The following ZNF879 variants were observed in gnomAD, a reference collection of about 807,000 sequenced individuals.
ZNF879 encodes zinc finger protein 879.
In ZNF879, 32 loss-of-function variants were observed where a neutral mutation model predicts 44.3. The ratio of observed to expected loss-of-function variants is 0.72; its 90% CI spans 0.54 to 0.97. The LOEUF (loss-of-function observed/expected upper bound fraction) is 0.97. ZNF879 is among the 50% of genes least tolerant of loss of function. The probability of loss-of-function intolerance (pLI) is 0.00; values close to 1 mark genes in which losing one functional copy is unlikely to be tolerated. For missense variants in ZNF879, 621 were observed against 669.7 expected (o/e 0.93, Z 0.80); for synonymous variants, 234 against 233.2 (o/e 1.00, Z -0.03).
chr5:179,028,795 G>C (rs6601007), intron 4 of ZNF879, among the ~76,000 whole-genome samples: 44,833 of 151,946 alleles, frequency 0.3, 7,225 homozygotes, highest in African/African-American at 0.43. Context: ...ATCAGCTTCC[G>C]CATTCATTCT....
chr5:179,030,543 A>G (rs779541741), intron 4 of ZNF879, among the ~76,000 whole-genome samples: 1 of 152,200 alleles, frequency 6.6e-6, no homozygotes, highest in Non-Finnish European at 1.5e-5. Context: ...TTTTTAAGTG[A>G]AATGGAGGTA....
rs1477244745 is a variant in ZNF879 at position 179,034,705 on chromosome 5, A to G, written c.*1065A>G. The G allele has an allele frequency of 6.6e-6, 1 of 152,256 alleles. No individual in the cohort carries two copies. Among genetic ancestry groups the G allele is most frequent in the Non-Finnish European group, 1.5e-5 (1 of 68,056 alleles). 9.4% of individuals were successfully genotyped at this position (152,256 alleles called of 1,614,324 possible). On this transcript the variant is annotated 3_prime_UTR_variant, in exon 5 of 5. Transcript: ENST00000444149. ...CCAGCAAATGGACTTACACTCTTCA[A>G]CAAGTGATTTAGCTCATTTCAGCAT...
In ZNF879 at chr5:179,034,572, C is replaced by T. The variant is rs1761534045; in HGVS notation, c.*932C>T. The T allele has an allele frequency of 6.6e-6, 1 of 152,192 alleles. No homozygotes were observed. The highest frequency in any genetic ancestry group is 2.4e-5 in the African/African-American group (1 of 41,450). The allele number at this position is 152,192 out of a possible 1,614,324, so 9.4% of individuals were successfully genotyped here. On this transcript the variant is annotated 3_prime_UTR_variant, in exon 5 of 5. Coordinates refer to ENST00000444149, the MANE Select transcript of ZNF879 (RefSeq NM_001136116.3). ...GAGGTAAAATGAACCAGATGATTTTCACCCTTACTTCCACTTTTTCGCCTT... is the reference window on the plus strand; with the variant it reads ...GAGGTAAAATGAACCAGATGATTTTTACCCTTACTTCCACTTTTTCGCCTT...
At position 179,032,343 on chromosome 5, in the gene ZNF879, G is replaced by A. The variant is rs764389822; in HGVS notation, c.395G>A (p.Gly132Asp). 1.9e-6 allele frequency: 3 copies of A among 1,551,182 alleles called. No individual in the cohort carries two copies. The highest frequency in any genetic ancestry group is 1.2e-5 in the South Asian group (1 of 83,846). The change falls in exon 5 of 5, where the codon GGC becomes GAC. Residue 132 changes from glycine to aspartate, a missense_variant. Coordinates refer to ENST00000444149, the MANE Select transcript of ZNF879 (RefSeq NM_001136116.3). The part of the protein sequence containing the change: ...INEDKLEKQQ[G>D]KKNRLFSKVL... ...GAAGATAAGTTAGAGAAGCAACAAG[G>A]CAAAAAGAACAGACTTTTCAGTAAA...
chr5:179,033,706 TGTG>T lies in ZNF879; in HGVS notation c.*68_*70del, dbSNP rs1380908211. On this transcript the variant is annotated 3_prime_UTR_variant, in exon 5 of 5. Transcript: ENST00000444149. Reference sequence around the variant, plus strand: ...CCATACTGAGTATCAAAAAATTCATTGTGGGGAGAAAGTGATGAAGAGTAGTTA... The same window carrying T: ...CCATACTGAGTATCAAAAAATTCATTGGGAGAAAGTGATGAAGAGTAGTTA... 5.7e-6 allele frequency: 7 copies of T among 1,228,694 alleles called. No homozygotes were observed. The highest frequency in any genetic ancestry group is 7.8e-6 in the Non-Finnish European group (7 of 902,906). The allele number at this position is 1,228,694 out of a possible 1,614,324, so 76.1% of individuals were successfully genotyped here. A position where few individuals can be genotyped will look rare whatever the true frequency, so the allele number is the denominator to read the frequency against.
At chr5:179,027,996 G>C in intron 3 of ZNF879, 36 bp from the exon 4 acceptor site, 1 of 1,542,042 alleles carries the variant, frequency 6.5e-7, no homozygotes, top group Non-Finnish European at 8.8e-7. Flanking sequence ...CGCCTGCTAC[G>C]ATGGCCGCTC....
intron 2 of ZNF879, among the ~76,000 whole-genome samples, chr5:179,025,916 CAA>C (rs769270094): frequency 2.4e-5 from 3 of 125,612 alleles, no homozygotes; most frequent in Non-Finnish European, 1.7e-5. Context: ...GACTCCGTCT[CAA>C]AAAAAAAAAA....
rs1189749655 is a variant in ZNF879, at chr5:179,032,677, A to G, written c.729A>G (p.Gln243=). The change falls in exon 5 of 5, where the codon CAA becomes CAG. Residue 243 remains glutamine (Q), a synonymous_variant. Transcript: ENST00000444149. ...KCKECRKAFS[Q]SSSLTQHLRV... Reference sequence around the variant, plus strand: ...AGGAATGTAGGAAAGCCTTCAGCCAAAGCTCATCCCTAACTCAGCACTTGA... The same window carrying G: ...AGGAATGTAGGAAAGCCTTCAGCCAGAGCTCATCCCTAACTCAGCACTTGA... The G allele has an allele frequency of 4.5e-6, 7 of 1,564,566 alleles. No homozygotes were observed. Among genetic ancestry groups the G allele is most frequent in the Non-Finnish European group, 6.1e-6 (7 of 1,154,730 alleles).
At chr5:179,030,408 G>A (rs1275065308) in intron 4 of ZNF879, among the ~76,000 whole-genome samples, 1 of 152,186 alleles carries the variant, frequency 6.6e-6, no homozygotes, top group Non-Finnish European at 1.5e-5. Flanking sequence ...CACAAAAGGA[G>A]GAGGGTAAAT....
chr5:179,024,051 G>A (rs1197310991), intron 1 of ZNF879, 147 bp downstream of exon 1: 1 of 152,224 alleles, frequency 6.6e-6, no homozygotes, highest in Non-Finnish European at 1.5e-5. Context: ...CGGCCCCGGA[G>A]GGGGCGTGGC....
rs1216255892 is a variant in ZNF879 at position 179,033,553 on chromosome 5, A to G, written c.1605A>G (p.Thr535=). ...TTATGACACACATGAGAATTCATAC[A>G]GGGGAAAAACCTTATAAATGTAAAG... is the stretch of plus-strand genomic sequence containing the variant. ...SSLMTHMRIH[T]GEKPYKCKEC... is the part of the protein sequence containing the mutation. Residue 535 remains threonine (T), a synonymous_variant, in exon 5 of 5, where the codon ACA becomes ACG. Coordinates refer to ENST00000444149, the MANE Select transcript of ZNF879 (RefSeq NM_001136116.3). 2 of 1,553,198 alleles carry G rather than the reference A, an allele frequency of 1.3e-6. No homozygotes were observed. The highest frequency in any genetic ancestry group is 2.4e-5 in the South Asian group (2 of 84,084).
intron 2 of ZNF879, among the ~76,000 whole-genome samples, chr5:179,025,745 G>C (rs976965741): frequency 2.1e-4 from 32 of 152,056 alleles, no homozygotes; most frequent in African/African-American, 7.5e-4. Flanking sequence ...GGTGAAACCC[G>C]GTCTCTACTA....
chr5:179,026,337 A>G (rs1324260700), intron 2 of ZNF879, among the ~76,000 whole-genome samples: 1 of 152,226 alleles, frequency 6.6e-6, no homozygotes, highest in African/African-American at 2.4e-5. Context: ...TTATTTAAAT[A>G]TAGAACCATA....
rs1022293467 is a variant in ZNF879 at position 179,028,092 on chromosome 5, T to C, written c.221T>C (p.Met74Thr). 6.4e-7 allele frequency: 1 copy of C among 1,551,308 alleles called. No homozygotes were observed. Among genetic ancestry groups the C allele is most frequent in the East Asian group, 2.4e-5 (1 of 40,890 alleles). ...TTAGAGCAAGGAGAAGACCCCTGGA[T>C]GGTGGAGAGTGGAGTTCCCCAAGGC... ...SQLEQGEDPW[M>T]VESGVPQGAH... Residue 74 changes from methionine (M) to threonine (T), a missense_variant, in exon 4 of 5, where the codon ATG (methionine) becomes ACG (threonine). Transcript: ENST00000444149.
chr5:179,025,532 A>G (rs1052500214), intron 2 of ZNF879, among the ~76,000 whole-genome samples: 1 of 152,198 alleles, frequency 6.6e-6, no homozygotes, highest in Admixed American at 6.5e-5. Flanking sequence ...TGGGGCTCCA[A>G]TGCCAGGCCA....
intron 4 of ZNF879, among the ~76,000 whole-genome samples, chr5:179,031,206 A>C (rs1363191692): frequency 6.6e-6 from 1 of 152,206 alleles, no homozygotes; most frequent in Non-Finnish European, 1.5e-5. Flanking sequence ...TTTTAAACAA[A>C]AACCACATCA....
chr5:179,026,009 C>G (rs537767248), intron 2 of ZNF879, among the ~76,000 whole-genome samples: 2 of 147,614 alleles, frequency 1.4e-5, no homozygotes, highest in African/African-American at 5.0e-5. Flanking sequence ...CACTTGAACC[C>G]GGAAGGTGGA....
At chr5:179,027,703 C>A in intron 3 of ZNF879, 104 bp downstream of exon 3, 2 of 1,437,122 alleles carry the variant, frequency 1.4e-6, no homozygotes, top group Non-Finnish European at 1.9e-6. Context: ...AGGTGGGCTC[C>A]AAGAGTGGCC....
At chr5:179,025,916 C>CA (rs769270094) in intron 2 of ZNF879, among the ~76,000 whole-genome samples, 239 of 125,618 alleles carry the variant, frequency 1.9e-3, no homozygotes, top group Admixed American at 2.7e-3. Context: ...GACTCCGTCT[C>CA]AAAAAAAAAA....
Sources: allele counts gnomAD v4.1 joint callset (sites outside exome capture counted in the v4.1 genomes callset), GRCh38; gene constraint gnomAD v4.1.1; transcripts MANE v1.5; gene names NCBI Gene and HGNC (gene_info 2026-07-23, HGNC 2026-07-21).